The following SOX5 variants were observed in gnomAD, a reference collection of about 807,000 sequenced individuals.
SOX5 encodes transcription factor SOX-5.
In SOX5, 9 loss-of-function variants were observed where a neutral mutation model predicts 92.0. The observed-to-expected ratio is 0.10, with a 90% CI of 0.06 to 0.17. The LOEUF is 0.17. Among genes scored for constraint, SOX5 ranks in the 10% least tolerant of loss-of-function variants. The pLI is 1.00. For synonymous variants in SOX5, 344 were observed against 336.3 expected (o/e 1.02, Z -0.25); for missense variants, 642 against 944.5 (o/e 0.68, Z 4.20).
chr12:23,659,962 A>T (rs1022487119), intron 7 of SOX5, among the ~76,000 whole-genome samples: 5 of 152,178 alleles, frequency 3.3e-5, no homozygotes, highest in African/African-American at 1.2e-4. Flanking sequence ...TGCCTCCAAA[A>T]AATGAAAAAA....
intron 4 of SOX5, among the ~76,000 whole-genome samples, chr12:24,187,433 T>C (rs1956121802): frequency 6.6e-6 from 1 of 152,206 alleles, no homozygotes; most frequent in African/African-American, 2.4e-5. Context: ...AAGTACAAAG[T>C]ATTACATCAA....
intron 2 of SOX5, among the ~76,000 whole-genome samples, chr12:24,344,399 C>T (rs534053295): frequency 4.6e-5 from 7 of 151,116 alleles, no homozygotes; most frequent in Admixed American, 2.6e-4. Flanking sequence ...GGCCAGTTTG[C>T]GATTTGGTAT....
chr12:24,287,842 A>T, intron 2 of SOX5, among the ~76,000 whole-genome samples: 1 of 151,868 alleles, frequency 6.6e-6, no homozygotes. Flanking sequence ...TTCTTACGAG[A>T]CCCCAAATCA....
intron 4 of SOX5, among the ~76,000 whole-genome samples, chr12:24,140,270 G>C (rs1950465816): frequency 6.6e-6 from 1 of 152,070 alleles, no homozygotes; most frequent in South Asian, 2.1e-4. Context: ...TGTTAGTAGA[G>C]AATTAGAGAG....
intron 2 of SOX5, among the ~76,000 whole-genome samples, chr12:23,887,574 G>C (rs1296774556): frequency 6.6e-6 from 1 of 152,086 alleles, no homozygotes; most frequent in Non-Finnish European, 1.5e-5. Context: ...TTGCTTCTTA[G>C]TGTCCTGGCT....
At chr12:23,785,457 A>G (rs2095361997) in intron 3 of SOX5, among the ~76,000 whole-genome samples, 2 of 152,212 alleles carry the variant, frequency 1.3e-5, no homozygotes, top group Non-Finnish European at 2.9e-5. Context: ...AATTAAATAA[A>G]AAAATTTTAA....
intron 3 of SOX5, among the ~76,000 whole-genome samples, chr12:23,777,263 T>C (rs1269812760): frequency 6.6e-6 from 1 of 152,158 alleles, no homozygotes; most frequent in Non-Finnish European, 1.5e-5. Context: ...AAAGAAATGA[T>C]AAATTTGCAT....
At chr12:24,127,066 A>C (rs978450731) in intron 4 of SOX5, among the ~76,000 whole-genome samples, 4 of 151,986 alleles carry the variant, frequency 2.6e-5, no homozygotes, top group Non-Finnish European at 4.4e-5. Context: ...AAATGTCATA[A>C]TACTTCCAAA....
intron 4 of SOX5, among the ~76,000 whole-genome samples, chr12:23,965,175 T>C (rs1947402914): frequency 6.6e-6 from 1 of 152,208 alleles, no homozygotes; most frequent in Non-Finnish European, 1.5e-5. Flanking sequence ...ATGGTGTCCC[T>C]GCCTGCCAAC....
At chr12:24,262,285 A>G (rs992343536) in intron 3 of SOX5, among the ~76,000 whole-genome samples, 1 of 152,230 alleles carries the variant, frequency 6.6e-6, no homozygotes, top group African/African-American at 2.4e-5. Context: ...CACACTAAAC[A>G]TAGGTCTTAG....
At chr12:23,651,745 A>C (rs936481556) in intron 7 of SOX5, among the ~76,000 whole-genome samples, 1 of 151,980 alleles carries the variant, frequency 6.6e-6, no homozygotes, top group Non-Finnish European at 1.5e-5. Context: ...AAGATGCGAG[A>C]AGCCTATGAG....
chr12:24,519,400 T>A (rs1159527618), intron 1 of SOX5, among the ~76,000 whole-genome samples: 1 of 151,976 alleles, frequency 6.6e-6, no homozygotes, highest in African/African-American at 2.4e-5. Flanking sequence ...GAGATGTGTA[T>A]GTGTTGTTGG....
At chr12:24,456,538 T>C (rs539674376) in intron 1 of SOX5, among the ~76,000 whole-genome samples, 1 of 152,242 alleles carries the variant, frequency 6.6e-6, no homozygotes, top group South Asian at 2.1e-4. Context: ...GCCAGGATCT[T>C]CACATGTTAT....
At position 23,938,487 on chromosome 12, in the gene SOX5, A is replaced by C. The variant is rs143406569; in HGVS notation, c.38+11077T>G. ...TTTAAAAAGCAATAGTATGTGTGTG[A>C]CTTCTTAGATTAACAGAAAAATCAC... On this transcript the variant is annotated intron_variant, in intron 1 of 14. Transcript: ENST00000451604. Among the ~76,000 whole-genome samples, 182 of 151,160 alleles carry C rather than the reference A, an allele frequency of 1.2e-3. 4 individuals are homozygous for C. The highest frequency in any genetic ancestry group is 6.8e-3 in the Middle Eastern group (2 of 294).
At chr12:24,148,618 G>C (rs546784851) in intron 4 of SOX5, among the ~76,000 whole-genome samples, 27 of 138,136 alleles carry the variant, frequency 2.0e-4, no homozygotes, top group African/African-American at 6.7e-4. Flanking sequence ...AGGAGGCCAA[G>C]ATGGGAGGAT....
intron 2 of SOX5, among the ~76,000 whole-genome samples, chr12:24,367,613 T>C (rs1956303019): frequency 6.6e-6 from 1 of 152,180 alleles, no homozygotes; most frequent in African/African-American, 2.4e-5. Flanking sequence ...AGATGATGGA[T>C]ATGGTTTATG....
chr12:24,389,273 A>G (rs1331206189), intron 1 of SOX5, among the ~76,000 whole-genome samples: 1 of 152,220 alleles, frequency 6.6e-6, no homozygotes, highest in East Asian at 1.9e-4. Flanking sequence ...CTGTCCCTAC[A>G]AAGGACATGA....
chr12:23,626,671 C>CT (rs370910356), intron 8 of SOX5, among the ~76,000 whole-genome samples: 24,169 of 116,222 alleles, frequency 0.21, 3,036 homozygotes, highest in Middle Eastern at 0.28. Flanking sequence ...TTCATTAGTG[C>CT]TTTTTTTTTT....
At chr12:23,652,923 A>G (rs1018844065) in intron 7 of SOX5, among the ~76,000 whole-genome samples, 3 of 152,048 alleles carry the variant, frequency 2.0e-5, no homozygotes, top group African/African-American at 7.2e-5. Flanking sequence ...ATTATATACT[A>G]TGTTTTAGGG....
Sources: gnomAD v4.1 joint callset for allele counts (sites outside exome capture counted in the v4.1 genomes callset) on GRCh38, gnomAD v4.1.1 for gene constraint, MANE v1.5 for transcripts, NCBI Gene and HGNC (gene_info 2026-07-23, HGNC 2026-07-21) for gene names.